The following PCDH9 variants were observed in gnomAD, a reference collection of about 807,000 sequenced individuals.
PCDH9 encodes the protein protocadherin-9.
PCDH9 carries 24 observed loss-of-function variants against 70.6 expected under a neutral mutation model. That is an observed-to-expected ratio of 0.34 (90% CI 0.25 to 0.48). The LOEUF is 0.48. Among genes scored for constraint, PCDH9 ranks in the 20% least tolerant of loss-of-function variants. The pLI, the probability that PCDH9 is intolerant of heterozygous loss-of-function variation, is 0.99. For missense variants in PCDH9, 1,281 were observed against 1,503.6 expected (o/e 0.85, Z 2.45); for synonymous variants, 562 against 558.5 (o/e 1.01, Z -0.09).
At chr13:66,681,968 T>TATATATATATATATATATATATATATATA (rs1566502472) in intron 3 of PCDH9, among the ~76,000 whole-genome samples, 14 of 148,460 alleles carry the variant, frequency 9.4e-5, no homozygotes, top group African/African-American at 2.7e-4. Flanking sequence ...TATATATATA[T>TATATATATATATATATATATATATATATA]TTGAGAGATT....
Position 67,225,514 on chromosome 13 carries a change from C to T in PCDH9, c.2927G>A (p.Gly976Asp), listed in dbSNP as rs753014669. The change falls in exon 2 of 5, where the codon GGT (glycine) becomes GAT (aspartate). Residue 976 changes from glycine (G) to aspartate (D), a missense_variant. Physicochemically the swap from Gly to Asp is moderately conservative, Grantham distance 94. Around this residue, in one of 4 missense-constraint regions of PCDH9, gnomAD observed 207 missense variants for 191.8 expected, o/e 1.08. Coordinates refer to ENST00000377865, the MANE Select transcript of PCDH9 (RefSeq NM_203487.3). The part of the protein sequence containing the change: ...ELPLDNTFVG[G>D]CDTLSKRSST... The stretch of plus-strand genomic sequence containing the variant: ...AGAGCGTTTAGAAAGGGTGTCACAA[C>T]CCCCAACAAAGGTGTTGTCCAAAGG... 4 of 1,614,050 alleles carry T rather than the reference C, an allele frequency of 2.5e-6. No homozygotes were observed. The highest frequency in any genetic ancestry group is 2.2e-5 in the South Asian group (2 of 91,072).
intron 3 of PCDH9, among the ~76,000 whole-genome samples, chr13:66,891,358 G>A (rs528264288): frequency 4.6e-5 from 7 of 152,074 alleles, no homozygotes; most frequent in East Asian, 3.9e-4. Context: ...TGGCCTCAGC[G>A]GAAATGCTTC....
intron 4 of PCDH9, among the ~76,000 whole-genome samples, chr13:66,519,321 A>G (rs904228112): frequency 6.6e-6 from 1 of 152,162 alleles, no homozygotes; most frequent in African/African-American, 2.4e-5. Context: ...ATCAGTACAG[A>G]TACCCATATA....
At chr13:66,956,644 G>A (rs1376978340) in intron 2 of PCDH9, among the ~76,000 whole-genome samples, 6 of 152,226 alleles carry the variant, frequency 3.9e-5, no homozygotes, top group Admixed American at 2.0e-4. Flanking sequence ...CCAGCTACTC[G>A]ACAGGCTGAG....
intron 2 of PCDH9, among the ~76,000 whole-genome samples, chr13:67,171,648 C>T (rs937353588): frequency 1.3e-5 from 2 of 152,150 alleles, no homozygotes; most frequent in African/African-American, 2.4e-5. Flanking sequence ...TGGTGCAGTG[C>T]GTATAAACTA....
intron 3 of PCDH9, among the ~76,000 whole-genome samples, chr13:66,812,839 G>A (rs951286073): frequency 6.6e-6 from 1 of 151,940 alleles, no homozygotes; most frequent in Non-Finnish European, 1.5e-5. Flanking sequence ...TCCTATAAAG[G>A]CCAAGTGGTA....
At chr13:66,445,467 T>TAA (rs1227087035) in intron 4 of PCDH9, among the ~76,000 whole-genome samples, 1 of 141,748 alleles carries the variant, frequency 7.1e-6, no homozygotes, top group Non-Finnish European at 1.5e-5. Flanking sequence ...CACATATATA[T>TAA]AATATATATA....
chr13:66,817,715 G>C (rs774720055), intron 3 of PCDH9, among the ~76,000 whole-genome samples: 2 of 151,758 alleles, frequency 1.3e-5, no homozygotes, highest in African/African-American at 4.8e-5. Context: ...CTGCAACCTC[G>C]ACCTCCTGGG....
rs570881051 is a variant in PCDH9, at chr13:67,101,878, A to G, written c.3036+123527T>C. 2.0e-4 allele frequency among the ~76,000 whole-genome samples: 31 copies of G among 152,308 alleles called. No individual in the cohort carries two copies. In the East Asian group the frequency reaches 5.2e-3, roughly 26 times the overall value. On this transcript the variant is annotated intron_variant, in intron 2 of 4. Transcript: ENST00000377865. ...TGTTAAATGGAATACTAAGGCTGTTATGGAATGGAATGGAATGGCATTATG... is the reference window on the plus strand; with the variant it reads ...TGTTAAATGGAATACTAAGGCTGTTGTGGAATGGAATGGAATGGCATTATG...
At chr13:66,836,877 C>T (rs777482188) in intron 3 of PCDH9, among the ~76,000 whole-genome samples, 59 of 152,286 alleles carry the variant, frequency 3.9e-4, no homozygotes, top group Non-Finnish European at 8.1e-4. Context: ...AGCTTCAAAA[C>T]TTTCCTATAA....
At chr13:66,556,380 C>T (rs1029621397) in intron 4 of PCDH9, among the ~76,000 whole-genome samples, 1 of 152,010 alleles carries the variant, frequency 6.6e-6, no homozygotes, top group African/African-American at 2.4e-5. Context: ...TGTAGCTGTT[C>T]CATTAGGAAC....
intron 3 of PCDH9, among the ~76,000 whole-genome samples, chr13:66,650,031 G>GA (rs1367373951): frequency 3.3e-5 from 5 of 149,748 alleles, no homozygotes; most frequent in Non-Finnish European, 7.4e-5. Flanking sequence ...TACCACCATA[G>GA]AAAACCACCT....
At chr13:67,134,896 G>A (rs982825280) in intron 2 of PCDH9, among the ~76,000 whole-genome samples, 3 of 152,036 alleles carry the variant, frequency 2.0e-5, no homozygotes, top group African/African-American at 4.8e-5. Context: ...ATAAAGTCAC[G>A]CTGTGTTGGT....
chr13:67,177,575 C>A (rs1391754307), intron 2 of PCDH9, among the ~76,000 whole-genome samples: 1 of 152,044 alleles, frequency 6.6e-6, no homozygotes, highest in East Asian at 1.9e-4. Flanking sequence ...ATTCCTCTGC[C>A]CATCTCTGAA....
In PCDH9 at chr13:67,228,204, G is replaced by A. The variant is rs756018898; in HGVS notation, c.237C>T (p.Ser79=). Residue 79 remains serine (S), a synonymous_variant, in exon 2 of 5, where the codon TCC becomes TCT. Coordinates refer to ENST00000377865, the MANE Select transcript of PCDH9 (RefSeq NM_203487.3). ...TTGTGAAAATTTCCCCAGTGCTGCT[G>A]GAAACTTTCACCAAAGGGGCATCCC... The part of the protein sequence containing the change: ...KAGDAPLVKV[S]SSTGEIFTTS... The A allele has an allele frequency of 3.8e-5, 61 of 1,613,142 alleles. 3 individuals carry two copies. The South Asian group carries it at 6.4e-4, about 17-fold the overall frequency.
At chr13:66,871,426 A>T (rs1446211234) in intron 3 of PCDH9, among the ~76,000 whole-genome samples, 1 of 117,176 alleles carries the variant, frequency 8.5e-6, no homozygotes, top group East Asian at 2.7e-4. Context: ...AAAATAAATA[A>T]AATTAAAAAA....
At position 66,492,980 on chromosome 13, in the gene PCDH9, A is replaced by C. The variant is rs1027910037; in HGVS notation, c.3340+138230T>G. Among the ~76,000 whole-genome samples, 5 of 152,308 alleles carry C rather than the reference A, an allele frequency of 3.3e-5. No homozygotes were observed. The South Asian group carries it at 6.2e-4, about 19-fold the overall frequency. Reference sequence around the variant, plus strand: ...GTGACTATCCTGTCTCATTAAAAATATCCTGAGTGAGTTCTCACCACCTGT... The same window carrying C: ...GTGACTATCCTGTCTCATTAAAAATCTCCTGAGTGAGTTCTCACCACCTGT... On this transcript the variant is annotated intron_variant, in intron 4 of 4. Transcript: ENST00000377865.
chr13:66,813,129 CTG>C (rs1408836932), intron 3 of PCDH9, among the ~76,000 whole-genome samples: 3 of 152,156 alleles, frequency 2.0e-5, no homozygotes, highest in African/African-American at 7.2e-5. Context: ...TGGGGACTGA[CTG>C]TTCACCAGTA....
chr13:66,500,490 TA>T (rs1348100024), intron 4 of PCDH9, among the ~76,000 whole-genome samples: 1 of 152,094 alleles, frequency 6.6e-6, no homozygotes, highest in Non-Finnish European at 1.5e-5. Flanking sequence ...TTTAACAGGA[TA>T]AGTTTTTTTG....
Sources: allele counts gnomAD v4.1 joint callset (sites outside exome capture counted in the v4.1 genomes callset), GRCh38; gene constraint gnomAD v4.1.1; regional missense constraint gnomAD v4.1.1; transcripts MANE v1.5; gene names NCBI Gene and HGNC (gene_info 2026-07-23, HGNC 2026-07-21).